KMT2A: variants seen among roughly 807,000 people sequenced by gnomAD.
The protein encoded by KMT2A is histone-lysine N-methyltransferase 2A.
KMT2A carries 16 observed loss-of-function variants against 345.3 expected under a neutral mutation model. The observed-to-expected ratio is 0.05, with a 90% confidence interval of 0.03 to 0.07. The LOEUF is 0.07. Among genes scored for constraint, KMT2A ranks in the 10% least tolerant of loss-of-function variants. KMT2A has a pLI of 1.00. For missense variants in KMT2A, 3,272 were observed against 4,841.6 expected (o/e 0.68, Z 9.62); for synonymous variants, 1,599 against 1,778.6 (o/e 0.90, Z 2.54).
At position 118,502,617 on chromosome 11, in the gene KMT2A, G is replaced by C; in HGVS notation, c.6725G>C (p.Ser2242Thr). ...GGGACCGCTACTGATCTTGAATCAA[G>C]TGCCAAAGTAGTTGATCATGTCTTA... is the stretch of plus-strand genomic sequence containing the variant. ...TTGTATDLES[S>T]AKVVDHVLGP... Residue 2242 changes from serine to threonine, a missense_variant, in exon 27 of 36, where the codon AGT becomes ACT. By Grantham distance (58) the Ser-to-Thr change is moderately conservative. Coordinates refer to ENST00000534358, the MANE Select transcript of KMT2A (RefSeq NM_001197104.2). This position sits in a 1 kb window ranked among gnomAD's most constrained non-coding sequence, Gnocchi z 4.9. 1 of 1,614,144 alleles carries C rather than the reference G, an allele frequency of 6.2e-7. No individual in the cohort carries two copies. The highest frequency in any genetic ancestry group is 8.5e-7 in the Non-Finnish European group (1 of 1,180,008).
Position 118,484,285 on chromosome 11 carries a change from G to A in KMT2A, c.4189G>A (p.Gly1397Arg). Reference protein sequence around the residue: ...NSSKQKIPADGVHRIRVDFKE... With the variant: ...NSSKQKIPADRVHRIRVDFKE... ...TTCTAAGCAAAAAATTCCAGCAGAT[G>A]GAGTCCACAGGATCAGAGTGGACTT... The change falls in exon 9 of 36, where the codon GGA becomes AGA. Residue 1397 changes from glycine to arginine, a missense_variant. Physicochemically the swap from Gly to Arg is moderately radical, Grantham distance 125. Coordinates refer to ENST00000534358, the MANE Select transcript of KMT2A (RefSeq NM_001197104.2). This position sits in a 1 kb window ranked among gnomAD's most constrained non-coding sequence, Gnocchi z 4.1. 3 of 1,614,090 alleles carry A rather than the reference G, an allele frequency of 1.9e-6. No individual in the cohort carries two copies. The highest frequency in any genetic ancestry group is 2.5e-6 in the Non-Finnish European group (3 of 1,179,984).
intron 1 of KMT2A, among the ~76,000 whole-genome samples, chr11:118,451,128 TA>T (rs1313451928): frequency 1.2e-4 from 18 of 152,088 alleles, no homozygotes; most frequent in Non-Finnish European, 2.4e-4. Flanking sequence ...GAACATCTTT[TA>T]TACTCTAGGT....
chr11:118,474,084 C>T lies in KMT2A; in HGVS notation c.2925C>T (p.Asp975=). 6.2e-7 allele frequency: 1 copy of T among 1,614,054 alleles called. No individual in the cohort carries two copies. The highest frequency in any genetic ancestry group is 8.5e-7 in the Non-Finnish European group (1 of 1,179,974). ...GRGNLEKTNL[D]LGPTAPSLEK... Reference sequence around the variant, plus strand: ...GAAATCTGGAAAAAACCAACTTGGACCTCGGCCCAACTGCCCCATCCCTGG... The same window carrying T: ...GAAATCTGGAAAAAACCAACTTGGATCTCGGCCCAACTGCCCCATCCCTGG... The change falls in exon 3 of 36, where the codon GAC becomes GAT. Residue 975 remains aspartate, a synonymous_variant. Transcript: ENST00000534358.
chr11:118,468,880 T>C, intron 2 of KMT2A, 36 bp downstream of exon 2: 1 of 1,562,042 alleles, frequency 6.4e-7, no homozygotes, highest in Non-Finnish European at 8.8e-7. Flanking sequence ...CTTTTAAGTT[T>C]TGTTTGTTAG....
intron 31 of KMT2A, among the ~76,000 whole-genome samples, chr11:118,518,387 G>A (rs368263875): frequency 1.3e-5 from 2 of 152,204 alleles, no homozygotes; most frequent in East Asian, 3.9e-4. Context: ...AGCATGAGAC[G>A]GTGAGTAGAA....
Position 118,472,681 on chromosome 11 carries a change from G to A in KMT2A, c.1522G>A (p.Glu508Lys), listed in dbSNP as rs781978013. ...VLPEERSDTPEVHPPLPISQS... is the reference protein window; with the variant it reads ...VLPEERSDTPKVHPPLPISQS... Reference sequence around the variant, plus strand: ...TCCTGAGGAGCGGAGCGATACCCCTGAAGTTCATCCTCCACTGCCCATTTC... The same window carrying A: ...TCCTGAGGAGCGGAGCGATACCCCTAAAGTTCATCCTCCACTGCCCATTTC... Residue 508 changes from glutamate (E) to lysine (K), a missense_variant, in exon 3 of 36, where the codon GAA becomes AAA. Coordinates refer to ENST00000534358, the MANE Select transcript of KMT2A (RefSeq NM_001197104.2). The A allele has an allele frequency of 1.2e-6, 2 of 1,613,220 alleles. No homozygotes were observed. The highest frequency in any genetic ancestry group is 1.7e-6 in the Non-Finnish European group (2 of 1,179,882).
chr11:118,473,128 A>T lies in KMT2A; in HGVS notation c.1969A>T (p.Thr657Ser). The T allele has an allele frequency of 1.2e-6, 2 of 1,613,636 alleles. No individual in the cohort carries two copies. The highest frequency in any genetic ancestry group is 1.7e-6 in the Non-Finnish European group (2 of 1,179,922). Reference protein sequence around the residue: ...IFDNFRPPPLTPEDVGFASGF... With the variant: ...IFDNFRPPPLSPEDVGFASGF... Reference sequence around the variant, plus strand: ...TGATAATTTCCGACCCCCTCCACTAACTCCCGAGGACGTTGGCTTTGCATC... The same window carrying T: ...TGATAATTTCCGACCCCCTCCACTATCTCCCGAGGACGTTGGCTTTGCATC... Residue 657 changes from threonine (T) to serine (S), a missense_variant, in exon 3 of 36, where the codon ACT becomes TCT. Around this residue, in one of 27 missense-constraint regions of KMT2A, gnomAD observed 114 missense variants for 203.2 expected, o/e 0.56. Coordinates refer to ENST00000534358, the MANE Select transcript of KMT2A (RefSeq NM_001197104.2). This position sits in a 1 kb window ranked among gnomAD's most constrained non-coding sequence, Gnocchi z 5.2.
chr11:118,455,974 C>T (rs1555030733), intron 1 of KMT2A, among the ~76,000 whole-genome samples: 2 of 152,120 alleles, frequency 1.3e-5, no homozygotes, highest in East Asian at 3.9e-4. Flanking sequence ...CAGGCATGAG[C>T]CACTGTGCCC....
chr11:118,484,105 A>G lies in KMT2A; in HGVS notation c.4087-78A>G. 7.4e-7 allele frequency: 1 copy of G among 1,350,820 alleles called. No individual in the cohort carries two copies. Among genetic ancestry groups the G allele is most frequent in the South Asian group, 1.3e-5 (1 of 77,948 alleles). The allele number at this position is 1,350,820 out of a possible 1,614,324, so 83.7% of individuals were successfully genotyped here. A position where few individuals can be genotyped will look rare whatever the true frequency, so the allele number is the denominator to read the frequency against. ...TTTAGATCTATTAATAAAATTTGTC[A>G]TTTGCATTATTATCTGTTGCAAATG... On this transcript the variant is annotated intron_variant, in intron 8 of 35. Coordinates refer to ENST00000534358, the MANE Select transcript of KMT2A (RefSeq NM_001197104.2). The surrounding 1 kb of genome is among the most constrained non-coding windows in gnomAD (Gnocchi z 4.1).
chr11:118,522,268 C>A lies in KMT2A; in HGVS notation c.*96C>A. On this transcript the variant is annotated 3_prime_UTR_variant, in exon 36 of 36. Coordinates refer to ENST00000534358, the MANE Select transcript of KMT2A (RefSeq NM_001197104.2). The surrounding 1 kb of genome is among the most constrained non-coding windows in gnomAD (Gnocchi z 5.4). Reference sequence around the variant, plus strand: ...CCAGCAGCTGGGAGCTCCCGGATTGCGTGGCACAGCTGAGGGGCCTCTGTG... The same window carrying A: ...CCAGCAGCTGGGAGCTCCCGGATTGAGTGGCACAGCTGAGGGGCCTCTGTG... 1 of 1,334,336 alleles carries A rather than the reference C, an allele frequency of 7.5e-7. No individual in the cohort carries two copies. Among genetic ancestry groups the A allele is most frequent in the Non-Finnish European group, 1.0e-6 (1 of 954,234 alleles). 82.7% of individuals were successfully genotyped at this position (1,334,336 alleles called of 1,614,324 possible).
intron 1 of KMT2A, among the ~76,000 whole-genome samples, chr11:118,439,390 CCAAATATTATCACATATT>C (rs1321983344): frequency 6.6e-6 from 1 of 152,104 alleles, no homozygotes; most frequent in African/African-American, 2.4e-5. Context: ...CATTCACATT[CCAAATATTATCACATATT>C]CAAAAGCAAA....
chr11:118,518,477 G>C (rs1202256787), intron 31 of KMT2A, among the ~76,000 whole-genome samples: 1 of 152,146 alleles, frequency 6.6e-6, no homozygotes, highest in Admixed American at 6.5e-5. Context: ...TATTAACATT[G>C]CTTTTAAACT....
intron 1 of KMT2A, among the ~76,000 whole-genome samples, chr11:118,462,706 C>T (rs924145346): frequency 1.3e-5 from 2 of 152,078 alleles, no homozygotes; most frequent in African/African-American, 4.8e-5. Flanking sequence ...CTACAGGCGC[C>T]CGCCATCACG....
At chr11:118,443,154 A>T (rs1161574595) in intron 1 of KMT2A, among the ~76,000 whole-genome samples, 3 of 152,142 alleles carry the variant, frequency 2.0e-5, no homozygotes, top group Non-Finnish European at 4.4e-5. Context: ...GACAGTGTGG[A>T]TGCTACTGGC....
Position 118,525,065 on chromosome 11 carries a change from G to A in KMT2A, c.*2893G>A, listed in dbSNP as rs1951052324. On this transcript the variant is annotated 3_prime_UTR_variant, in exon 36 of 36. Transcript: ENST00000534358. ...TCAGCACACCTGCCAGCAACTTGGG[G>A]GAATAAGCGAAGGTTTCCCTACAAG... 1 of 216,408 alleles carries A rather than the reference G, an allele frequency of 4.6e-6. No homozygotes were observed. Among genetic ancestry groups the A allele is most frequent in the Admixed American group, 5.8e-5 (1 of 17,160 alleles). 13.4% of individuals were successfully genotyped at this position (216,408 alleles called of 1,614,324 possible).
At chr11:118,469,774 G>A (rs1555035029) in intron 2 of KMT2A, among the ~76,000 whole-genome samples, 1 of 152,218 alleles carries the variant, frequency 6.6e-6, no homozygotes, top group Non-Finnish European at 1.5e-5. Context: ...AGCTTGTGAT[G>A]TGTGCTAGCA....
chr11:118,507,691 G>A (rs1413275181), intron 28 of KMT2A, 82 bp downstream of exon 28: 20 of 1,153,318 alleles, frequency 1.7e-5, no homozygotes, highest in East Asian at 1.4e-4. Flanking sequence ...CAGGCCGGGC[G>A]CAGTGGCTCA....
At position 118,490,098 on chromosome 11, in the gene KMT2A, T is replaced by C; in HGVS notation, c.4576-31T>C. 6.3e-7 allele frequency: 1 copy of C among 1,592,154 alleles called. No individual in the cohort carries two copies. Among genetic ancestry groups the C allele is most frequent in the Non-Finnish European group, 8.5e-7 (1 of 1,173,044 alleles). On this transcript the variant is annotated intron_variant, in intron 12 of 35. Coordinates refer to ENST00000534358, the MANE Select transcript of KMT2A (RefSeq NM_001197104.2). The surrounding 1 kb of genome is among the most constrained non-coding windows in gnomAD (Gnocchi z 4.2). Reference sequence around the variant, plus strand: ...AAGTAAAGATATTAAAAACAAGAAATTCCTATTGAATTTCTTTTCTTCTTT... The same window carrying C: ...AAGTAAAGATATTAAAAACAAGAAACTCCTATTGAATTTCTTTTCTTCTTT...
chr11:118,447,813 G>GAT, intron 1 of KMT2A: 1 of 238,984 alleles, frequency 4.2e-6, no homozygotes, highest in Admixed American at 5.2e-5. Context: ...CGGTTTCCCA[G>GAT]CTCCACTGAC....
Sources: gnomAD v4.1 joint callset for allele counts (sites outside exome capture counted in the v4.1 genomes callset) on GRCh38, gnomAD v4.1.1 for gene constraint, gnomAD v4.1.1 regional missense constraint, Gnocchi (gnomAD v3.1) non-coding constraint, MANE v1.5 for transcripts, NCBI Gene and HGNC (gene_info 2026-07-23, HGNC 2026-07-21) for gene names.